EYS: variants seen among roughly 807,000 people sequenced by gnomAD.
EYS encodes protein eyes shut homolog.
In EYS, 250 loss-of-function variants were observed where a neutral mutation model predicts 282.1. The observed-to-expected ratio is 0.89, with a 90% confidence interval of 0.80 to 0.98. The LOEUF is 0.98. EYS is among the 50% of genes least tolerant of loss of function. The pLI is 0.00. For missense variants in EYS, 4,016 were observed against 3,709.0 expected, an observed-to-expected ratio of 1.08 and a Z score of -2.15; for synonymous variants, 1,355 against 1,282.9, an observed-to-expected ratio of 1.06 and a Z score of -1.20.
chr6:65,077,252 A>G (rs1222802535), intron 12 of EYS, among the ~76,000 whole-genome samples: 1 of 152,072 alleles, frequency 6.6e-6, no homozygotes, highest in Non-Finnish European at 1.5e-5. Flanking sequence ...CCTCTGCAGA[A>G]TGTCATTTTC....
intron 30 of EYS, among the ~76,000 whole-genome samples, chr6:64,243,958 G>GT (rs1766922616): frequency 6.6e-6 from 1 of 152,034 alleles, no homozygotes; most frequent in African/African-American, 2.4e-5. Context: ...TGTGACCATT[G>GT]TGAGTTCATC....
intron 30 of EYS, among the ~76,000 whole-genome samples, chr6:64,282,169 T>C (rs1195697188): frequency 2.0e-5 from 3 of 152,144 alleles, no homozygotes; most frequent in Admixed American, 1.3e-4. Context: ...TTATTTTAAT[T>C]AGCCAGTAGA....
chr6:64,670,864 C>A (rs888716102), intron 22 of EYS, among the ~76,000 whole-genome samples: 1 of 152,036 alleles, frequency 6.6e-6, no homozygotes, highest in Non-Finnish European at 1.5e-5. Flanking sequence ...GATAGTAACT[C>A]ACAGTAGACC....
At chr6:63,840,528 A>G (rs1771929553) in intron 36 of EYS, among the ~76,000 whole-genome samples, 1 of 151,858 alleles carries the variant, frequency 6.6e-6, no homozygotes, top group African/African-American at 2.4e-5. Context: ...CGGTGCAGAA[A>G]TCTTTTAGTT....
chr6:63,839,698 C>G (rs1034049131), intron 36 of EYS, among the ~76,000 whole-genome samples: 1 of 152,030 alleles, frequency 6.6e-6, no homozygotes, highest in Non-Finnish European at 1.5e-5. Flanking sequence ...GCAGAACATC[C>G]CTTTGACACA....
chr6:64,121,298 A>C (rs931958841), intron 31 of EYS, among the ~76,000 whole-genome samples: 5 of 152,230 alleles, frequency 3.3e-5, no homozygotes, highest in Non-Finnish European at 5.9e-5. Flanking sequence ...AAAAGGAGAT[A>C]ATTATGTGGA....
chr6:64,642,418 T>A (rs1233531908), intron 22 of EYS, among the ~76,000 whole-genome samples: 1 of 152,182 alleles, frequency 6.6e-6, no homozygotes. Flanking sequence ...TCCATGGTTA[T>A]ATACACATAT....
intron 34 of EYS, among the ~76,000 whole-genome samples, chr6:63,993,690 C>T (rs1408693616): frequency 2.0e-5 from 3 of 151,880 alleles, no homozygotes; most frequent in Non-Finnish European, 4.4e-5. Context: ...AAACACTTTA[C>T]ATTCATGGAA....
intron 10 of EYS, among the ~76,000 whole-genome samples, chr6:65,342,406 A>C (rs976005915): frequency 4.6e-5 from 7 of 151,022 alleles, no homozygotes; most frequent in South Asian, 2.1e-4. Flanking sequence ...TGTTTTATTG[A>C]TGATACTACA....
At chr6:65,507,862 TTAACA>T (rs1766714787) in intron 2 of EYS, among the ~76,000 whole-genome samples, 2 of 152,180 alleles carry the variant, frequency 1.3e-5, no homozygotes, top group African/African-American at 2.4e-5. Flanking sequence ...ATTAGATCTC[TTAACA>T]TATTATTCAT....
chr6:63,820,066 T>C (rs1771282505), intron 36 of EYS, among the ~76,000 whole-genome samples: 1 of 152,210 alleles, frequency 6.6e-6, no homozygotes, highest in Non-Finnish European at 1.5e-5. Context: ...CCACATACTG[T>C]CAGATTGCAT....
chr6:63,733,327 T>G (rs1213504583), intron 41 of EYS, among the ~76,000 whole-genome samples: 1 of 152,136 alleles, frequency 6.6e-6, no homozygotes, highest in East Asian at 1.9e-4. Flanking sequence ...CATGTGCAAG[T>G]TTGTTATATG....
At chr6:64,625,428 C>T (rs1767574636) in intron 23 of EYS, among the ~76,000 whole-genome samples, 1 of 152,176 alleles carries the variant, frequency 6.6e-6, no homozygotes, top group Non-Finnish European at 1.5e-5. Flanking sequence ...GGTACAAGAA[C>T]AAGTTGATGA....
At chr6:65,556,395 GT>G in intron 2 of EYS, among the ~76,000 whole-genome samples, 1 of 151,792 alleles carries the variant, frequency 6.6e-6, no homozygotes, top group Non-Finnish European at 1.5e-5. Context: ...GTTTGTGTGT[GT>G]GTGTGTGTGT....
At chr6:64,318,074 A>G (rs1031904674) in intron 29 of EYS, among the ~76,000 whole-genome samples, 1 of 151,924 alleles carries the variant, frequency 6.6e-6, no homozygotes, top group Non-Finnish European at 1.5e-5. Flanking sequence ...AAATATCTAA[A>G]GTTGATGGCG....
chr6:63,805,657 C>T (rs1202415361), intron 37 of EYS, among the ~76,000 whole-genome samples: 3 of 152,134 alleles, frequency 2.0e-5, no homozygotes, highest in African/African-American at 4.8e-5. Flanking sequence ...TTGTAATCCC[C>T]ATAATCCCCA....
intron 22 of EYS, among the ~76,000 whole-genome samples, chr6:64,789,353 CT>C (rs1774114180): frequency 6.6e-6 from 1 of 152,070 alleles, no homozygotes; most frequent in Admixed American, 6.6e-5. Flanking sequence ...ATCCTTCTGC[CT>C]TTCTTAACCA....
At chr6:65,315,532 T>A (rs1297278102) in intron 11 of EYS, among the ~76,000 whole-genome samples, 2 of 151,950 alleles carry the variant, frequency 1.3e-5, no homozygotes, top group African/African-American at 4.8e-5. Flanking sequence ...TTTCTATAAA[T>A]GAAATCATCT....
At chr6:64,338,557 T>C (rs1770953845) in intron 29 of EYS, among the ~76,000 whole-genome samples, 1 of 152,042 alleles carries the variant, frequency 6.6e-6, no homozygotes, top group Non-Finnish European at 1.5e-5. Context: ...ATGACCATAC[T>C]GCTAAAGGCA....
Sources: gnomAD v4.1 joint callset for allele counts (sites outside exome capture counted in the v4.1 genomes callset) on GRCh38, gnomAD v4.1.1 for gene constraint, MANE v1.5 for transcripts, NCBI Gene and HGNC (gene_info 2026-07-23, HGNC 2026-07-21) for gene names.